The following EIPR1 variants were observed in gnomAD, a reference collection of about 807,000 sequenced individuals.
The protein encoded by EIPR1 is EARP complex and GARP complex interacting protein 1, also known as EARP and GARP complex-interacting protein 1.
A neutral mutation model predicts 48.1 loss-of-function variants in EIPR1; 25 were observed. The observed-to-expected ratio is 0.52, with a 90% CI of 0.38 to 0.73. EIPR1 has a LOEUF of 0.73. Among genes scored for constraint, EIPR1 ranks in the 30% least tolerant of loss-of-function variants. The pLI is 0.00. For missense variants in EIPR1, 415 were observed against 506.2 expected (o/e 0.82, Z 1.73); for synonymous variants, 204 against 201.9 (o/e 1.01, Z -0.09).
intron 1 of EIPR1, among the ~76,000 whole-genome samples, chr2:3,371,047 A>G (rs1182226923): frequency 6.6e-6 from 1 of 152,260 alleles, no homozygotes; most frequent in Non-Finnish European, 1.5e-5. Flanking sequence ...CTCTCGGCAG[A>G]AACTCTACAA....
At chr2:3,361,712 CCT>C (rs75359572) in intron 1 of EIPR1, among the ~76,000 whole-genome samples, 23,372 of 149,780 alleles carry the variant, frequency 0.16, 2,125 homozygotes, top group Non-Finnish European at 0.2. Context: ...CCTTGGACTC[CCT>C]CACACGGGCA....
chr2:3,197,087 CGA>C, intron 5 of EIPR1, 70 bp from the exon 6 acceptor site: 2 of 1,551,668 alleles, frequency 1.3e-6, no homozygotes, highest in African/African-American at 2.7e-5. Flanking sequence ...TCAGAAAACG[CGA>C]GAGGATATCG....
chr2:3,220,872 A>G (rs13017059), intron 4 of EIPR1, among the ~76,000 whole-genome samples: 81,163 of 144,460 alleles, frequency 0.56, 23,546 homozygotes, highest in East Asian at 0.74. Context: ...TGGCCGAGGT[A>G]CACTCTAGAG....
chr2:3,345,727 A>G (rs769600767), intron 2 of EIPR1, among the ~76,000 whole-genome samples: 25 of 152,150 alleles, frequency 1.6e-4, no homozygotes, highest in African/African-American at 4.1e-4. Flanking sequence ...AATAAAAAAG[A>G]AAGTGCACAG....
intron 3 of EIPR1, among the ~76,000 whole-genome samples, chr2:3,307,622 T>C (rs533018140): frequency 6.3e-4 from 96 of 152,220 alleles, no homozygotes; most frequent in African/African-American, 2.3e-3. Flanking sequence ...ATCCCCACTC[T>C]CGCTCATGTG....
intron 3 of EIPR1, among the ~76,000 whole-genome samples, chr2:3,270,347 G>T (rs983395126): frequency 6.6e-6 from 1 of 152,196 alleles, no homozygotes; most frequent in Admixed American, 6.5e-5. Context: ...GTGTGCCAGT[G>T]TGTGCTCTGC....
intron 5 of EIPR1, among the ~76,000 whole-genome samples, chr2:3,205,834 A>G (rs957338816): frequency 6.6e-6 from 1 of 152,226 alleles, no homozygotes; most frequent in Non-Finnish European, 1.5e-5. Context: ...GACAATATTA[A>G]AGGACCCACG....
chr2:3,324,653 C>T (rs1357772144), intron 3 of EIPR1, among the ~76,000 whole-genome samples: 1 of 152,252 alleles, frequency 6.6e-6, no homozygotes, highest in Non-Finnish European at 1.5e-5. Context: ...CGTGACCACT[C>T]GTCACTCTAA....
At chr2:3,200,441 T>A (rs1664990680) in intron 5 of EIPR1, among the ~76,000 whole-genome samples, 1 of 152,220 alleles carries the variant, frequency 6.6e-6, no homozygotes, top group African/African-American at 2.4e-5. Flanking sequence ...GGTGACTTAC[T>A]GATCCTCTCT....
intron 3 of EIPR1, among the ~76,000 whole-genome samples, chr2:3,294,676 T>C (rs1232057919): frequency 3.6e-5 from 3 of 82,994 alleles, no homozygotes; most frequent in African/African-American, 4.8e-5. Flanking sequence ...ATCCAGCCCG[T>C]CCTCTCTACA....
intron 1 of EIPR1, among the ~76,000 whole-genome samples, chr2:3,360,759 C>T (rs1444806728): frequency 6.6e-6 from 1 of 152,146 alleles, no homozygotes; most frequent in Non-Finnish European, 1.5e-5. Flanking sequence ...TTAAGGAGGG[C>T]AGGTGGAGAG....
chr2:3,211,461 T>TCC (rs1665454571), intron 5 of EIPR1, among the ~76,000 whole-genome samples: 1 of 152,112 alleles, frequency 6.6e-6, no homozygotes, highest in African/African-American at 2.4e-5. Context: ...GCTCTCTTGG[T>TCC]CCCCAAAACA....
intron 3 of EIPR1, among the ~76,000 whole-genome samples, chr2:3,271,195 G>A (rs1667692223): frequency 2.0e-5 from 3 of 152,154 alleles, no homozygotes; most frequent in Admixed American, 2.0e-4. Context: ...TACCACAACT[G>A]CAGTTACTTT....
intron 4 of EIPR1, among the ~76,000 whole-genome samples, chr2:3,217,175 G>A (rs755683371): frequency 3.9e-5 from 6 of 152,198 alleles, no homozygotes; most frequent in Non-Finnish European, 8.8e-5. Flanking sequence ...ATAGATTGGG[G>A]AGAAGGAAGC....
chr2:3,222,718 C>G (rs1446326710), intron 4 of EIPR1, among the ~76,000 whole-genome samples: 2 of 152,072 alleles, frequency 1.3e-5, no homozygotes. Flanking sequence ...CGTGGAGGGC[C>G]CTGAAGAATG....
chr2:3,242,732 T>C (rs1224236541), intron 4 of EIPR1, among the ~76,000 whole-genome samples: 1 of 152,256 alleles, frequency 6.6e-6, no homozygotes. Context: ...ATGGTGATTA[T>C]GTCATTGCTT....
intron 3 of EIPR1, among the ~76,000 whole-genome samples, chr2:3,325,693 G>GA (rs1478489755): frequency 3.3e-5 from 5 of 152,188 alleles, no homozygotes; most frequent in African/African-American, 9.6e-5. Flanking sequence ...GACCTTCTCT[G>GA]AAGGGACCCT....
chr2:3,214,197 A>T lies in EIPR1; in HGVS notation c.468T>A (p.Asp156Glu). Residue 156 changes from aspartate (D) to glutamate (E), a missense_variant, in exon 5 of 9, where the codon GAT (aspartate) becomes GAA (glutamate). Transcript: ENST00000382125. ...GTAAATCCCACAGCAGGATATGGTT[A>T]TCAGCCAAGGAAATGATTTTCTTCC... ...GDGKKIISLA[D>E]NHILLWDLQE... 6.2e-7 allele frequency: 1 copy of T among 1,613,992 alleles called. No homozygotes were observed.
At chr2:3,210,797 ATTTATT>A (rs908415788) in intron 5 of EIPR1, among the ~76,000 whole-genome samples, 39 of 152,040 alleles carry the variant, frequency 2.6e-4, no homozygotes, top group South Asian at 2.1e-3. Flanking sequence ...CGCCTGGCTA[ATTTATT>A]TTTATTTTTA....
Sources: gnomAD v4.1 joint callset for allele counts (sites outside exome capture counted in the v4.1 genomes callset) on GRCh38, gnomAD v4.1.1 for gene constraint, MANE v1.5 for transcripts, NCBI Gene and HGNC (gene_info 2026-07-23, HGNC 2026-07-21) for gene names.